HSPG2: variants seen among roughly 807,000 people sequenced by gnomAD.
The protein encoded by HSPG2 is basement membrane-specific heparan sulfate proteoglycan core protein.
HSPG2 carries 278 observed loss-of-function variants against 526.6 expected under a neutral mutation model. That is an observed-to-expected ratio of 0.53 (90% CI 0.48 to 0.58). The LOEUF is 0.58. HSPG2 is among the 20% of genes least tolerant of loss of function. The pLI, the probability that HSPG2 is intolerant of heterozygous loss-of-function variation, is 0.00. For synonymous variants in HSPG2, 2,465 were observed against 2,555.4 expected, an observed-to-expected ratio of 0.96 and a Z score of 1.07; for missense variants, 5,354 against 6,099.5, an observed-to-expected ratio of 0.88 and a Z score of 4.07.
Position 21,847,433 on chromosome 1 carries a change from C to G in HSPG2, c.8085G>C (p.Val2695=). 1 of 1,613,958 alleles carries G rather than the reference C, an allele frequency of 6.2e-7. No individual in the cohort carries two copies. Among genetic ancestry groups the G allele is most frequent in the Non-Finnish European group, 8.5e-7 (1 of 1,180,036 alleles). ...CATCGATGTTGTTGTTGGCCCGGCA[C>G]ACATACTCGCCCGAGTCAGCCACAG... The part of the protein sequence containing the change: ...QMSVADSGEY[V]CRANNNIDAL... Residue 2695 remains valine (V), a synonymous_variant, in exon 62 of 97, where the codon GTG becomes GTC. Transcript: ENST00000374695. The surrounding 1 kb of genome is among the most constrained non-coding windows in gnomAD (Gnocchi z 4.1).
Position 21,848,683 on chromosome 1 carries a change from G to T in HSPG2, c.7697C>A (p.Thr2566Asn), listed in dbSNP as rs1638647111. ...TAAGCTGCCTCCACGCTTATACCAG[G>T]TGATGGTGTGGGGAGCCTGGCTGGC... ...LVASQAPHTITWYKRGGSLPS... is the reference protein window; with the variant it reads ...LVASQAPHTINWYKRGGSLPS... The change falls in exon 59 of 97, where the codon ACC becomes AAC. Residue 2566 changes from threonine to asparagine, a missense_variant. Transcript: ENST00000374695. This position sits in a 1 kb window ranked among gnomAD's most constrained non-coding sequence, Gnocchi z 4.9. 2 of 1,613,742 alleles carry T rather than the reference G, an allele frequency of 1.2e-6. No individual in the cohort carries two copies. Among genetic ancestry groups the T allele is most frequent in the South Asian group, 2.2e-5 (2 of 91,084 alleles).
chr1:21,840,143 T>G lies in HSPG2; in HGVS notation c.9514-126A>C, dbSNP rs549000552. The G allele has an allele frequency of 7.8e-5, 59 of 752,230 alleles. 1 individual carries two copies. The South Asian group carries it at 9.4e-4, about 12-fold the overall frequency. The allele number at this position is 752,230 out of a possible 1,614,324, so 46.6% of individuals were successfully genotyped here. On this transcript the variant is annotated intron_variant, in intron 71 of 96. Transcript: ENST00000374695. ...TGGTATCTATTTATTTACTTATTTA[T>G]ATATTTATTTTTTGAGACAGGGTCT...
intron 77 of HSPG2, 119 bp downstream of exon 77, chr1:21,834,560 A>C: frequency 8.0e-7 from 1 of 1,252,304 alleles, no homozygotes; most frequent in East Asian, 2.5e-5. Context: ...AAACACACAC[A>C]ATGGAAAATG....
intron 1 of HSPG2, among the ~76,000 whole-genome samples, chr1:21,926,454 G>A (rs540859062): frequency 2.1e-4 from 32 of 152,196 alleles, no homozygotes; most frequent in Admixed American, 5.9e-4. Flanking sequence ...GTGAAGAGCC[G>A]TGAAAGTGAT....
At chr1:21,829,920 G>T in intron 86 of HSPG2, 73 bp downstream of exon 86, 1 of 1,250,948 alleles carries the variant, frequency 8.0e-7, no homozygotes, top group Non-Finnish European at 1.1e-6. Flanking sequence ...GCCCATCATG[G>T]CCTCAGAGTG....
intron 22 of HSPG2, 29 bp downstream of exon 22, chr1:21,876,483 G>T (rs754439324): frequency 1.9e-6 from 3 of 1,613,408 alleles, no homozygotes; most frequent in Non-Finnish European, 1.7e-6. Flanking sequence ...AGGGCTTGGC[G>T]GTCCTGCCCG....
rs1043576657 is a variant in HSPG2, at chr1:21,859,542, G to C, written c.5293+24C>G. 7 of 1,539,760 alleles carry C rather than the reference G, an allele frequency of 4.5e-6. No homozygotes were observed. The Admixed American group carries it at 9.5e-5, about 21-fold the overall frequency. ...GCCCAGCCCAGGACAGGCAGTCTTG[G>C]TTACAGGGGGCGTAGGGACTCACCA... On this transcript the variant is annotated intron_variant, in intron 42 of 96. Coordinates refer to ENST00000374695, the MANE Select transcript of HSPG2 (RefSeq NM_005529.7). The surrounding 1 kb of genome is among the most constrained non-coding windows in gnomAD (Gnocchi z 5.3).
intron 37 of HSPG2, 81 bp from the exon 38 acceptor site, chr1:21,862,196 A>G: frequency 6.7e-7 from 1 of 1,499,022 alleles, no homozygotes; most frequent in Non-Finnish European, 9.1e-7. Flanking sequence ...CCCTTGATCT[A>G]GAAATTCCAA....
Position 21,822,554 on chromosome 1 carries a change from C to T in HSPG2, c.*762G>A, listed in dbSNP as rs1359732648. 9.0e-6 allele frequency: 3 copies of T among 332,330 alleles called. No individual in the cohort carries two copies. The highest frequency in any genetic ancestry group is 1.7e-5 in the Non-Finnish European group (3 of 171,774). The allele number at this position is 332,330 out of a possible 1,614,324, so 20.6% of individuals were successfully genotyped here. ...CACTTCCAGATGGGTGGGGATGTGG[C>T]CTGGGGTGGGCGGGGCCCGGTGGGC... On this transcript the variant is annotated 3_prime_UTR_variant, in exon 97 of 97. Transcript: ENST00000374695.
At chr1:21,832,918 T>A (rs2098010787) in intron 80 of HSPG2, 1 of 558,700 alleles carries the variant, frequency 1.8e-6, no homozygotes, top group Non-Finnish European at 3.2e-6. Flanking sequence ...CAGAGACCCG[T>A]AAGAGACGAG....
At chr1:21,905,664 C>G (rs1643343334) in intron 1 of HSPG2, among the ~76,000 whole-genome samples, 1 of 152,224 alleles carries the variant, frequency 6.6e-6, no homozygotes, top group Non-Finnish European at 1.5e-5. Context: ...ATCACTTGAA[C>G]CCAGGAGGCA....
rs759430731 is a variant in HSPG2 at position 21,880,783 on chromosome 1, C to T, written c.1871G>A (p.Arg624His). The change falls in exon 15 of 97, where the codon CGT becomes CAT. Residue 624 changes from arginine to histidine, a missense_variant. By Grantham distance (29) the Arg-to-His change is conservative. Transcript: ENST00000374695. ...LRYNVRYELARGMLEPVQRPD... is the reference protein window; with the variant it reads ...LRYNVRYELAHGMLEPVQRPD... ...CCGCTGCACTGGCTCCAGCATGCCA[C>T]GGGCCAACTCGTAGCGCACGTTGTA... 9.3e-5 allele frequency: 149 copies of T among 1,598,158 alleles called. No homozygotes were observed. Among genetic ancestry groups the T allele is most frequent in the South Asian group, 4.3e-4 (38 of 88,484 alleles).
At position 21,838,890 on chromosome 1, in the gene HSPG2, C is replaced by T. The variant is rs748180505; in HGVS notation, c.10085G>A (p.Arg3362His). The change falls in exon 74 of 97, where the codon CGC becomes CAC. Residue 3362 changes from arginine (R) to histidine (H), a missense_variant. Transcript: ENST00000374695. ...CTTGTTGGTGACCCGGCAGCGGTAG[C>T]GGCCTGAGTCCTCAGGGGCTGCACG... ...FERAAPEDSG[R>H]YRCRVTNKVG... 80 of 1,612,332 alleles carry T rather than the reference C, an allele frequency of 5.0e-5. No individual in the cohort carries two copies. Among genetic ancestry groups the T allele is most frequent in the Non-Finnish European group, 6.2e-5 (73 of 1,179,574 alleles).
chr1:21,834,967 G>A (rs776341272), intron 76 of HSPG2, 22 bp from the exon 77 acceptor site: 34 of 1,608,348 alleles, frequency 2.1e-5, no homozygotes, highest in Non-Finnish European at 2.8e-5. Context: ...GGAGGCAGAG[G>A]TCCAGTGAGA....
intron 77 of HSPG2, among the ~76,000 whole-genome samples, chr1:21,834,323 G>C (rs1014246670): frequency 4.6e-5 from 7 of 152,290 alleles, no homozygotes; most frequent in Admixed American, 4.6e-4. Flanking sequence ...TGTTGTCCTT[G>C]TTTTACTCTC....
rs942700067 is a variant in HSPG2, at chr1:21,893,872, A to G, written c.244+2050T>C. Among the ~76,000 whole-genome samples the G allele has an allele frequency of 4.0e-5, 6 of 151,244 alleles. No homozygotes were observed. Among genetic ancestry groups the G allele is most frequent in the African/African-American group, 1.5e-4 (6 of 41,136 alleles). ...AGGTGAAGAAAAAGGCAGAGGGAAAAAGAAAAAAAAAAAAGAACAGGCAGA... is the reference window on the plus strand; with the variant it reads ...AGGTGAAGAAAAAGGCAGAGGGAAAGAGAAAAAAAAAAAAGAACAGGCAGA... On this transcript the variant is annotated intron_variant, in intron 3 of 96. Transcript: ENST00000374695. The surrounding 1 kb of genome is among the most constrained non-coding windows in gnomAD (Gnocchi z 4.3).
rs2098039073 is a variant in HSPG2, at chr1:21,839,256, C to T, written c.9889+115G>A. 4.2e-6 allele frequency: 6 copies of T among 1,442,424 alleles called. No individual in the cohort carries two copies. In the Admixed American group the frequency reaches 8.5e-5, roughly 20 times the overall value. 89.4% of individuals were successfully genotyped at this position (1,442,424 alleles called of 1,614,324 possible). ...GTGTCGGGCAGGGCAGGCTCCAGGACCCTGCAGCGCCTGGAGACCTCTGGA... is the reference window on the plus strand; with the variant it reads ...GTGTCGGGCAGGGCAGGCTCCAGGATCCTGCAGCGCCTGGAGACCTCTGGA... On this transcript the variant is annotated intron_variant, in intron 73 of 96. Transcript: ENST00000374695. This position sits in a 1 kb window ranked among gnomAD's most constrained non-coding sequence, Gnocchi z 4.5.
chr1:21,891,743 T>G (rs1251233303), intron 3 of HSPG2, among the ~76,000 whole-genome samples: 1 of 152,114 alleles, frequency 6.6e-6, no homozygotes, highest in African/African-American at 2.4e-5. Context: ...CCTGAGTAGC[T>G]GGGATTACAG....
Position 21,824,644 on chromosome 1 carries a change from G to GAAA in HSPG2, c.12666-30_12666-29insTTT. ...CGGAGGAAGAGCGGGTGAGGGGACA[G>GAAA]AAGTCCCAGATTCCCATCCTCCCCA... On this transcript the variant is annotated intron_variant, in intron 92 of 96. Coordinates refer to ENST00000374695, the MANE Select transcript of HSPG2 (RefSeq NM_005529.7). This position sits in a 1 kb window ranked among gnomAD's most constrained non-coding sequence, Gnocchi z 5.9. The GAAA allele has an allele frequency of 6.2e-7, 1 of 1,613,490 alleles. No individual in the cohort carries two copies. The highest frequency in any genetic ancestry group is 8.5e-7 in the Non-Finnish European group (1 of 1,179,590).
Sources: gnomAD v4.1 joint callset for allele counts (sites outside exome capture counted in the v4.1 genomes callset) on GRCh38, gnomAD v4.1.1 for gene constraint, Gnocchi (gnomAD v3.1) non-coding constraint, MANE v1.5 for transcripts, NCBI Gene and HGNC (gene_info 2026-07-23, HGNC 2026-07-21) for gene names.